The following PSEN2 variants were observed in gnomAD, a reference collection of about 807,000 sequenced individuals.
The protein encoded by PSEN2 is presenilin 2, also known as presenilin-2.
Under a neutral mutation model 49.1 loss-of-function variants are expected in PSEN2, and 32 were observed. The observed-to-expected ratio is 0.65, with a 90% CI of 0.49 to 0.88. The LOEUF is 0.88. PSEN2 is among the 40% of genes least tolerant of loss of function. PSEN2 has a pLI of 0.00. For missense variants in PSEN2, 522 were observed against 586.9 expected, an observed-to-expected ratio of 0.89 and a Z score of 1.14; for synonymous variants, 255 against 244.0, an observed-to-expected ratio of 1.05 and a Z score of -0.42.
chr1:226,901,493 G>A (rs1662320147), downstream of PSEN2, among the ~76,000 whole-genome samples: 5 of 151,136 alleles, frequency 3.3e-5, no homozygotes, highest in African/African-American at 7.3e-5. Context: ...AGGCTGAGTC[G>A]TGAGAATCAC....
At chr1:226,891,500 G>A (rs1661743960) in intron 10 of PSEN2, 139 bp downstream of exon 10, 2 of 800,630 alleles carry the variant, frequency 2.5e-6, no homozygotes, top group Admixed American at 2.2e-5. Context: ...AAACCAGCCG[G>A]ACACATGCGG....
chr1:226,891,415 C>G, intron 10 of PSEN2, 54 bp downstream of exon 10: 1 of 1,472,682 alleles, frequency 6.8e-7, no homozygotes, highest in Non-Finnish European at 9.3e-7. Context: ...AGCTCCCTAC[C>G]TGCACCCAGC....
In PSEN2 at chr1:226,883,806, C is replaced by A; in HGVS notation, c.243C>A (p.Leu81=). 6.2e-7 allele frequency: 1 copy of A among 1,614,166 alleles called. No homozygotes were observed. Among genetic ancestry groups the A allele is most frequent in the South Asian group, 1.1e-5 (1 of 91,082 alleles). The change falls in exon 5 of 13, where the codon CTC becomes CTA. Residue 81 remains leucine, a synonymous_variant. Coordinates refer to ENST00000366783, the MANE Select transcript of PSEN2 (RefSeq NM_000447.3). ...CAGGCCTGGAGGAAGAGCTGACCCT[C>A]AAATACGGAGCGAAGCACGTGATCA... ...RPPGLEEELT[L]KYGAKHVIML...
chr1:226,886,803 A>G (rs760063815), intron 6 of PSEN2, among the ~76,000 whole-genome samples: 26 of 152,138 alleles, frequency 1.7e-4, no homozygotes, highest in Non-Finnish European at 3.5e-4. Flanking sequence ...GAAGCTTATC[A>G]ACAAGTAATG....
intron 2 of PSEN2, among the ~76,000 whole-genome samples, chr1:226,872,124 G>A (rs1004229321): frequency 6.6e-6 from 1 of 152,204 alleles, no homozygotes; most frequent in Non-Finnish European, 1.5e-5. Flanking sequence ...GGAGGAGGAG[G>A]AGCAAGGGCT....
At chr1:226,895,300 G>A in intron 12 of PSEN2, 124 bp from the exon 13 acceptor site, 1 of 1,063,522 alleles carries the variant, frequency 9.4e-7, no homozygotes, top group Admixed American at 2.0e-5. Flanking sequence ...AGATAATGGG[G>A]TGTCTAGCGC....
intron 3 of PSEN2, chr1:226,880,852 C>T (rs760722375): frequency 5.4e-6 from 8 of 1,476,960 alleles, no homozygotes; most frequent in East Asian, 2.3e-5. Flanking sequence ...GGCACTTCCC[C>T]ACCTCACACG....
chr1:226,902,580 G>A (rs2102706040), intron 12 of PSEN2, among the ~76,000 whole-genome samples: 1 of 152,270 alleles, frequency 6.6e-6, no homozygotes, highest in African/African-American at 2.4e-5. Flanking sequence ...AAGGTAGGCA[G>A]GGGTTATCTT....
chr1:226,876,944 T>C (rs894494395), intron 3 of PSEN2, among the ~76,000 whole-genome samples: 6 of 152,264 alleles, frequency 3.9e-5, no homozygotes, highest in South Asian at 4.1e-4. Flanking sequence ...AGAGCTCTCT[T>C]CTCCCCATGC....
Position 226,874,834 on chromosome 1 carries a change from A to T in PSEN2, c.-206-531A>T, listed in dbSNP as rs570121361. On this transcript the variant is annotated intron_variant, in intron 2 of 12. Coordinates refer to ENST00000366783, the MANE Select transcript of PSEN2 (RefSeq NM_000447.3). ...GGCCAGGGAGTATGTGGTTCAAATC[A>T]CATAGGCAGGCGATCTGAACCCTGT... 7.9e-5 allele frequency among the ~76,000 whole-genome samples: 12 copies of T among 152,278 alleles called. No individual in the cohort carries two copies. The South Asian group carries it at 2.5e-3, about 32-fold the overall frequency.
At position 226,883,720 on chromosome 1, in the gene PSEN2, G is replaced by A. The variant is rs1216954105; in HGVS notation, c.157G>A (p.Glu53Lys). 1 of 1,614,034 alleles carries A rather than the reference G, an allele frequency of 6.2e-7. No individual in the cohort carries two copies. The highest frequency in any genetic ancestry group is 8.5e-7 in the Non-Finnish European group (1 of 1,179,998). ...NTAQWRSQEN[E>K]EDGEEDPDRY... ...TTTCCCACAGAGAAGCCAGGAGAAC[G>A]AGGAGGACGGTGAGGAGGACCCTGA... The change falls in exon 5 of 13, where the codon GAG (glutamate) becomes AAG (lysine). Residue 53 changes from glutamate to lysine, a missense_variant. Transcript: ENST00000366783.
chr1:226,874,597 A>C (rs376948097), intron 2 of PSEN2, among the ~76,000 whole-genome samples: 1 of 152,152 alleles, frequency 6.6e-6, no homozygotes, highest in South Asian at 2.1e-4. Context: ...GTAACTTTCC[A>C]AGAGGCACAT....
At position 226,881,877 on chromosome 1, in the gene PSEN2, C is replaced by G. The variant is rs1011326460; in HGVS notation, c.-20-11C>G. 1 of 1,614,218 alleles carries G rather than the reference C, an allele frequency of 6.2e-7. No homozygotes were observed. The highest frequency in any genetic ancestry group is 8.5e-7 in the Non-Finnish European group (1 of 1,180,040). On this transcript the variant is annotated splice_polypyrimidine_tract_variant and intron_variant, in intron 3 of 12. Transcript: ENST00000366783. ...GAAAGTGGAACAAGGTCCTTGTGCT[C>G]CTTTTTCCAGGTGCTTCCAGAGGCA... is the stretch of plus-strand genomic sequence containing the variant.
intron 2 of PSEN2, among the ~76,000 whole-genome samples, chr1:226,873,433 G>C (rs946041779): frequency 1.3e-4 from 20 of 151,930 alleles, no homozygotes; most frequent in African/African-American, 4.8e-4. Flanking sequence ...AATTTTTTTT[G>C]AGATGGAGTT....
chr1:226,893,933 T>C, intron 11 of PSEN2, 74 bp from the exon 12 acceptor site: 10 of 1,368,456 alleles, frequency 7.3e-6, no homozygotes, highest in Non-Finnish European at 1.0e-5. Flanking sequence ...CTGGGCCTTC[T>C]GGGCCAGAGT....
At chr1:226,894,167 C>T in intron 12 of PSEN2, 42 bp downstream of exon 12, 1 of 1,449,432 alleles carries the variant, frequency 6.9e-7, no homozygotes, top group Non-Finnish European at 9.7e-7. Flanking sequence ...GTGGTGGGGG[C>T]CCCCAGGGTC....
intron 12 of PSEN2, among the ~76,000 whole-genome samples, chr1:226,894,569 T>A (rs1276496366): frequency 2.0e-5 from 3 of 152,214 alleles, no homozygotes; most frequent in Admixed American, 1.3e-4. Flanking sequence ...AGGGTCTGAA[T>A]CTGGGGCACT....
At chr1:226,886,088 C>G (rs1453077175) in intron 6 of PSEN2, among the ~76,000 whole-genome samples, 2 of 148,152 alleles carry the variant, frequency 1.3e-5, no homozygotes, top group Admixed American at 1.3e-4. Context: ...AGGCTGGTCT[C>G]AAACTCCTGG....
At chr1:226,872,693 G>A (rs569606575) in intron 2 of PSEN2, among the ~76,000 whole-genome samples, 1 of 152,334 alleles carries the variant, frequency 6.6e-6, no homozygotes, top group African/African-American at 2.4e-5. Flanking sequence ...CTGTTGCTTT[G>A]ACTTTCGGAC....
Sources: allele counts gnomAD v4.1 joint callset (sites outside exome capture counted in the v4.1 genomes callset), GRCh38; gene constraint gnomAD v4.1.1; transcripts MANE v1.5; gene names NCBI Gene and HGNC (gene_info 2026-07-23, HGNC 2026-07-21).